The following PXK variants were observed in gnomAD, a reference collection of about 807,000 sequenced individuals.
PXK encodes PX domain-containing protein kinase-like protein.
Under a neutral mutation model 84.7 loss-of-function variants are expected in PXK, and 35 were observed. The observed-to-expected ratio is 0.41, with a 90% CI of 0.32 to 0.55. PXK has a LOEUF of 0.55. PXK is among the 20% of genes least tolerant of loss of function. The pLI is 0.21. For synonymous variants in PXK, 253 were observed against 260.8 expected (o/e 0.97, Z 0.29); for missense variants, 634 against 699.7 (o/e 0.91, Z 1.06).
intron 3 of PXK, among the ~76,000 whole-genome samples, chr3:58,375,968 A>C (rs1467625417): frequency 4.6e-5 from 7 of 152,132 alleles, no homozygotes; most frequent in Non-Finnish European, 7.4e-5. Flanking sequence ...TACCCTCCAA[A>C]ATAATAATTA....
At chr3:58,368,344 A>G (rs1278735243) in intron 2 of PXK, among the ~76,000 whole-genome samples, 2 of 151,676 alleles carry the variant, frequency 1.3e-5, no homozygotes, top group Non-Finnish European at 2.9e-5. Flanking sequence ...TTTTTTTTAG[A>G]CAGAGTCTCA....
At position 58,399,154 on chromosome 3, in the gene PXK, T is replaced by A; in HGVS notation, c.1103-145T>A. On this transcript the variant is annotated intron_variant, in intron 11 of 17. Transcript: ENST00000356151. This position sits in a 1 kb window ranked among gnomAD's most constrained non-coding sequence, Gnocchi z 4.3. ...TGCCAGCATTCCCCCACCCCACGTA[T>A]GCCATCTGTCTGTGTGTGAAGATTT... is the stretch of plus-strand genomic sequence containing the variant. The A allele has an allele frequency of 1.4e-6, 1 of 698,130 alleles. No homozygotes were observed. The highest frequency in any genetic ancestry group is 2.6e-6 in the Non-Finnish European group (1 of 384,072). 43.2% of individuals were successfully genotyped at this position (698,130 alleles called of 1,614,324 possible). A position where few individuals can be genotyped will look rare whatever the true frequency, so the allele number is the denominator to read the frequency against.
At position 58,363,404 on chromosome 3, in the gene PXK, C is replaced by T. The variant is rs114426092; in HGVS notation, c.103-2470C>T. 2.8e-3 allele frequency among the ~76,000 whole-genome samples: 427 copies of T among 152,300 alleles called. 2 individuals carry two copies. Among genetic ancestry groups the T allele is most frequent in the African/African-American group, 9.3e-3 (385 of 41,566 alleles). On this transcript the variant is annotated intron_variant, in intron 1 of 17. Coordinates refer to ENST00000356151, the MANE Select transcript of PXK (RefSeq NM_017771.5). ...GGAGTGCGGGTGCCAACATGGCTCACGGCAGTCATGACCTTCCGGGCTCAA... is the reference window on the plus strand; with the variant it reads ...GGAGTGCGGGTGCCAACATGGCTCATGGCAGTCATGACCTTCCGGGCTCAA...
chr3:58,340,043 C>G (rs968554637), intron 1 of PXK, among the ~76,000 whole-genome samples: 1 of 151,794 alleles, frequency 6.6e-6, no homozygotes, highest in East Asian at 1.9e-4. Flanking sequence ...GTCTTGAACT[C>G]CTGACCTCAG....
chr3:58,348,953 A>G (rs2097869675), intron 1 of PXK, among the ~76,000 whole-genome samples: 1 of 151,914 alleles, frequency 6.6e-6, no homozygotes, highest in South Asian at 2.1e-4. Flanking sequence ...CTCTTGTCAT[A>G]AAAGTATTTG....
In PXK at chr3:58,368,161, G is replaced by A. The variant is rs146529758; in HGVS notation, c.154-1270G>A. On this transcript the variant is annotated intron_variant, in intron 2 of 17. Transcript: ENST00000356151. Reference sequence around the variant, plus strand: ...CCTGTCTGTTTTTCTTGGTCTGTCCGTGTAGCCTTCCTTCCTCCTGGGTAT... The same window carrying A: ...CCTGTCTGTTTTTCTTGGTCTGTCCATGTAGCCTTCCTTCCTCCTGGGTAT... 4.9e-4 allele frequency among the ~76,000 whole-genome samples: 74 copies of A among 151,870 alleles called. 1 individual carries two copies. The highest frequency in any genetic ancestry group is 1.8e-3 in the African/African-American group (73 of 41,436).
In PXK at chr3:58,333,091, G is replaced by A; in HGVS notation, c.102+1G>A. ...GAGCCAGAGCCTGCAGTCCCACACG[G>A]TGCGCGGCCCAGCGGGCGGGCGGGC... On this transcript the variant is annotated splice_donor_variant, in intron 1 of 17. Transcript: ENST00000356151. LOFTEE classifies it high-confidence loss of function. This position sits in a 1 kb window ranked among gnomAD's most constrained non-coding sequence, Gnocchi z 5.4. The A allele has an allele frequency of 2.5e-6, 3 of 1,197,114 alleles. No homozygotes were observed. The highest frequency in any genetic ancestry group is 2.1e-6 in the Non-Finnish European group (2 of 955,772). 74.2% of individuals were successfully genotyped at this position (1,197,114 alleles called of 1,614,324 possible).
chr3:58,345,023 T>C (rs1045021814), intron 1 of PXK, among the ~76,000 whole-genome samples: 1 of 152,194 alleles, frequency 6.6e-6, no homozygotes, highest in African/African-American at 2.4e-5. Flanking sequence ...CATTAACAGA[T>C]ACTTAAAAAG....
At chr3:58,384,890 T>A (rs2098538487) in intron 4 of PXK, among the ~76,000 whole-genome samples, 2 of 152,290 alleles carry the variant, frequency 1.3e-5, no homozygotes, top group South Asian at 4.1e-4. Context: ...CTAAAAGGGA[T>A]CTTAGAGCAG....
chr3:58,335,382 G>C lies in PXK; in HGVS notation c.102+2292G>C, dbSNP rs368920780. 6.9e-4 allele frequency among the ~76,000 whole-genome samples: 105 copies of C among 152,254 alleles called. 1 individual carries two copies. In the South Asian group the frequency reaches 0.022, roughly 31 times the overall value. On this transcript the variant is annotated intron_variant, in intron 1 of 17. Coordinates refer to ENST00000356151, the MANE Select transcript of PXK (RefSeq NM_017771.5). Reference sequence around the variant, plus strand: ...CTGTAAAGTTTGACTGAGAAATGTTGCATCAGCCCTGAAGTTTATTGAGAA... The same window carrying C: ...CTGTAAAGTTTGACTGAGAAATGTTCCATCAGCCCTGAAGTTTATTGAGAA...
chr3:58,417,823 G>A (rs2061219438), intron 17 of PXK, among the ~76,000 whole-genome samples: 1 of 152,136 alleles, frequency 6.6e-6, no homozygotes, highest in African/African-American at 2.4e-5. Flanking sequence ...CCTCCTTTGG[G>A]ATTAGACAGG....
chr3:58,395,561 C>T, intron 8 of PXK, 97 bp from the exon 9 acceptor site: 1 of 910,042 alleles, frequency 1.1e-6, no homozygotes, highest in South Asian at 1.5e-5. Context: ...ATCTCTGGCG[C>T]CCCTAGCCTC....
chr3:58,370,820 G>A lies in PXK; in HGVS notation c.201+1342G>A, dbSNP rs576560240. 1.4e-4 allele frequency among the ~76,000 whole-genome samples: 22 copies of A among 152,206 alleles called. 1 individual carries two copies. The highest frequency in any genetic ancestry group is 4.8e-4 in the African/African-American group (20 of 41,524). On this transcript the variant is annotated intron_variant, in intron 3 of 17. Coordinates refer to ENST00000356151, the MANE Select transcript of PXK (RefSeq NM_017771.5). This position sits in a 1 kb window ranked among gnomAD's most constrained non-coding sequence, Gnocchi z 4.2. The stretch of plus-strand genomic sequence containing the variant: ...TCAAGACCAGCCTGGCTAACATGGC[G>A]AAACCCTGTCTCTACTAAAAATACA...
intron 15 of PXK, 29 bp from the exon 16 acceptor site, chr3:58,410,061 T>A: frequency 3.5e-6 from 5 of 1,434,458 alleles, no homozygotes; most frequent in Non-Finnish European, 4.9e-6. Flanking sequence ...TTCCTCTCCC[T>A]CCCTCCCCCT....
intron 1 of PXK, among the ~76,000 whole-genome samples, chr3:58,360,390 C>T (rs2098162604): frequency 6.6e-6 from 1 of 152,156 alleles, no homozygotes; most frequent in African/African-American, 2.4e-5. Context: ...ACCAGGTTAA[C>T]GTCTCATTTG....
At position 58,383,981 on chromosome 3, in the gene PXK, C is replaced by T. The variant is rs931689342; in HGVS notation, c.388+1281C>T. Among the ~76,000 whole-genome samples, 4 of 152,180 alleles carry T rather than the reference C, an allele frequency of 2.6e-5. No homozygotes were observed. The East Asian group carries it at 5.8e-4, about 22-fold the overall frequency. ...AGAGGGGAAACAGATGTCTACTTGG[C>T]AGGCACCAAGTTTTTCTCCACAGTA... is the stretch of plus-strand genomic sequence containing the variant. On this transcript the variant is annotated intron_variant, in intron 4 of 17. Coordinates refer to ENST00000356151, the MANE Select transcript of PXK (RefSeq NM_017771.5). This position sits in a 1 kb window ranked among gnomAD's most constrained non-coding sequence, Gnocchi z 4.0.
chr3:58,340,827 A>G (rs2097716071), intron 1 of PXK, among the ~76,000 whole-genome samples: 1 of 152,200 alleles, frequency 6.6e-6, no homozygotes, highest in African/African-American at 2.4e-5. Context: ...TTAGGCTGCT[A>G]GAGATTTTGG....
Position 58,421,491 on chromosome 3 carries a change from A to T in PXK, c.1529-3261A>T. On this transcript the variant is annotated intron_variant, in intron 17 of 17. Transcript: ENST00000356151. This position sits in a 1 kb window ranked among gnomAD's most constrained non-coding sequence, Gnocchi z 5.5. ...AGCTACTCGGGAGGCTGAGGCAGAG[A>T]ATCACTTGAACCCGGGAGGCGGAGC... 2 of 833,172 alleles carry T rather than the reference A, an allele frequency of 2.4e-6. No individual in the cohort carries two copies. The highest frequency in any genetic ancestry group is 2.9e-6 in the Non-Finnish European group (2 of 689,746). The allele number at this position is 833,172 out of a possible 1,614,324, so 51.6% of individuals were successfully genotyped here. A position where few individuals can be genotyped will look rare whatever the true frequency, so the allele number is the denominator to read the frequency against.
chr3:58,354,302 AAGAC>A (rs923981375), intron 1 of PXK, among the ~76,000 whole-genome samples: 60 of 152,264 alleles, frequency 3.9e-4, no homozygotes, highest in African/African-American at 1.4e-3. Flanking sequence ...TACCCCCAAA[AAGAC>A]AGACGAGCTG....
Sources: allele counts gnomAD v4.1 joint callset (sites outside exome capture counted in the v4.1 genomes callset), GRCh38; gene constraint gnomAD v4.1.1; non-coding constraint Gnocchi (gnomAD v3.1); transcripts MANE v1.5; gene names NCBI Gene and HGNC (gene_info 2026-07-23, HGNC 2026-07-21).